The following PRKAG2 variants were observed in gnomAD, a reference collection of about 807,000 sequenced individuals.
PRKAG2 encodes the protein protein kinase AMP-activated non-catalytic subunit gamma 2.
A neutral mutation model predicts 69.6 loss-of-function variants in PRKAG2; 26 were observed. That is an observed-to-expected ratio of 0.37 (90% confidence interval 0.27 to 0.52). PRKAG2 has a LOEUF of 0.52. Among genes scored for constraint, PRKAG2 ranks in the 20% least tolerant of loss-of-function variants. PRKAG2 has a pLI of 0.90. For synonymous variants in PRKAG2, 293 were observed against 285.0 expected (o/e 1.03, Z -0.28); for missense variants, 557 against 740.0 (o/e 0.75, Z 2.87).
chr7:151,578,688 C>A (rs1288490656), intron 6 of PRKAG2, among the ~76,000 whole-genome samples: 1 of 152,122 alleles, frequency 6.6e-6, no homozygotes, highest in Non-Finnish European at 1.5e-5. Context: ...TAGAGCCAAC[C>A]CAGTGATGTG....
intron 5 of PRKAG2, among the ~76,000 whole-genome samples, chr7:151,618,816 C>T (rs971381352): frequency 2.0e-5 from 3 of 152,138 alleles, no homozygotes; most frequent in African/African-American, 7.2e-5. Context: ...TGCCTAGAAA[C>T]ATGAACAGAA....
intron 3 of PRKAG2, among the ~76,000 whole-genome samples, chr7:151,705,891 A>G (rs1042725508): frequency 7.9e-5 from 12 of 151,732 alleles, no homozygotes; most frequent in African/African-American, 2.7e-4. Context: ...ATTCCTACAC[A>G]TGTTTTATGA....
chr7:151,826,906 C>T (rs189388847), intron 1 of PRKAG2, among the ~76,000 whole-genome samples: 8 of 152,290 alleles, frequency 5.3e-5, no homozygotes, highest in Non-Finnish European at 7.3e-5. Context: ...TGCACACATA[C>T]ATCACGGCAG....
intron 1 of PRKAG2, among the ~76,000 whole-genome samples, chr7:151,796,963 C>T (rs556178833): frequency 4.6e-5 from 7 of 152,112 alleles, no homozygotes; most frequent in Non-Finnish European, 1.0e-4. Flanking sequence ...TTTATTGGCT[C>T]GCAAATAAAA....
intron 5 of PRKAG2, among the ~76,000 whole-genome samples, chr7:151,631,225 C>T (rs765141915): frequency 1.8e-4 from 27 of 152,324 alleles, no homozygotes; most frequent in Non-Finnish European, 3.5e-4. Context: ...AGTGTGAACG[C>T]CTTTTCAAGT....
At chr7:151,854,862 C>G (rs2079664544) in intron 1 of PRKAG2, among the ~76,000 whole-genome samples, 1 of 152,034 alleles carries the variant, frequency 6.6e-6, no homozygotes, top group South Asian at 2.1e-4. Context: ...GCCTCGCAGC[C>G]CAGTTCCAGG....
chr7:151,722,896 A>T (rs1797345551), intron 3 of PRKAG2, among the ~76,000 whole-genome samples: 1 of 151,766 alleles, frequency 6.6e-6, no homozygotes, highest in Non-Finnish European at 1.5e-5. Context: ...GCTGCTCCCC[A>T]TTTCTGAGCA....
intron 4 of PRKAG2, among the ~76,000 whole-genome samples, chr7:151,664,671 G>A (rs1237909614): frequency 6.6e-6 from 1 of 152,202 alleles, no homozygotes; most frequent in East Asian, 1.9e-4. Flanking sequence ...CCTAGGTGAT[G>A]TCCTTTATTG....
At chr7:151,847,685 C>T (rs958948260) in intron 1 of PRKAG2, among the ~76,000 whole-genome samples, 4 of 152,256 alleles carry the variant, frequency 2.6e-5, no homozygotes, top group Admixed American at 6.5e-5. Flanking sequence ...ACAAGCTCCG[C>T]TGGGGCTGCT....
At chr7:151,666,768 A>T (rs538746479) in intron 4 of PRKAG2, among the ~76,000 whole-genome samples, 1 of 152,294 alleles carries the variant, frequency 6.6e-6, no homozygotes, top group East Asian at 1.9e-4. Context: ...TTCAGTCCTA[A>T]CCAACCATCC....
chr7:151,794,857 C>A (rs1344132724), intron 1 of PRKAG2, among the ~76,000 whole-genome samples: 1 of 152,210 alleles, frequency 6.6e-6, no homozygotes, highest in African/African-American at 2.4e-5. Context: ...CTTTCCTTGC[C>A]CACTCCGGGC....
intron 3 of PRKAG2, among the ~76,000 whole-genome samples, chr7:151,761,464 G>A (rs965190828): frequency 6.6e-6 from 1 of 152,056 alleles, no homozygotes. Context: ...GACCTCACCT[G>A]GACTCCTGAC....
Position 151,814,046 on chromosome 7 carries a change from G to C in PRKAG2, c.115-27505C>G, listed in dbSNP as rs2078558638. 6.6e-6 allele frequency among the ~76,000 whole-genome samples: 1 copy of C among 152,210 alleles called. No homozygotes were observed. Among genetic ancestry groups the C allele is most frequent in the Admixed American group, 6.5e-5 (1 of 15,280 alleles). On this transcript the variant is annotated intron_variant, in intron 1 of 15. Transcript: ENST00000287878. The surrounding 1 kb of genome is among the most constrained non-coding windows in gnomAD (Gnocchi z 4.8). ...AAGTTCAAGCCAGGGTGGGAAGGCA[G>C]GGAGGAGACCCTGTACCCAGGACCC...
chr7:151,569,054 A>C (rs1806930260), intron 10 of PRKAG2, among the ~76,000 whole-genome samples: 1 of 152,190 alleles, frequency 6.6e-6, no homozygotes, highest in Non-Finnish European at 1.5e-5. Context: ...ACAAATCTCT[A>C]GAAGAGGAGA....
At chr7:151,746,360 C>T (rs1020997411) in intron 3 of PRKAG2, among the ~76,000 whole-genome samples, 7 of 152,180 alleles carry the variant, frequency 4.6e-5, no homozygotes, top group Non-Finnish European at 7.3e-5. Context: ...TATTTCAAAA[C>T]AAGGTAACAG....
In PRKAG2 at chr7:151,590,625, G is replaced by T. The variant is rs553475518; in HGVS notation, c.864+4720C>A. Among the ~76,000 whole-genome samples the T allele has an allele frequency of 2.6e-5, 4 of 152,204 alleles. No homozygotes were observed. The East Asian group carries it at 7.7e-4, about 29-fold the overall frequency. On this transcript the variant is annotated intron_variant, in intron 6 of 15. Coordinates refer to ENST00000287878, the MANE Select transcript of PRKAG2 (RefSeq NM_016203.4). Reference sequence around the variant, plus strand: ...GGCTTTCCTAGGGCAGACGCCTAGCGTGGGCCTCTCACCCTCCCACCCTTG... The same window carrying T: ...GGCTTTCCTAGGGCAGACGCCTAGCTTGGGCCTCTCACCCTCCCACCCTTG...
chr7:151,773,841 T>C lies in PRKAG2; in HGVS notation c.466+7311A>G, dbSNP rs1423365822. ...CTGCAGCCACTCAGCCACGTAATAATTCTTGTGGCACAAGGTCAGCCAGGT... is the reference window on the plus strand; with the variant it reads ...CTGCAGCCACTCAGCCACGTAATAACTCTTGTGGCACAAGGTCAGCCAGGT... On this transcript the variant is annotated intron_variant, in intron 3 of 15. Coordinates refer to ENST00000287878, the MANE Select transcript of PRKAG2 (RefSeq NM_016203.4). 2.0e-5 allele frequency among the ~76,000 whole-genome samples: 3 copies of C among 152,172 alleles called. No individual in the cohort carries two copies. The East Asian group carries it at 5.8e-4, about 29-fold the overall frequency.
At chr7:151,869,054 C>A (rs1459026474) in intron 1 of PRKAG2, among the ~76,000 whole-genome samples, 1 of 150,516 alleles carries the variant, frequency 6.6e-6, no homozygotes, top group African/African-American at 2.4e-5. Flanking sequence ...ACCCTGAGTG[C>A]AAACTAGCAA....
chr7:151,566,972 A>T (rs1806400450), intron 11 of PRKAG2, among the ~76,000 whole-genome samples: 1 of 152,240 alleles, frequency 6.6e-6, no homozygotes, highest in Admixed American at 6.5e-5. Flanking sequence ...AATATGAGGC[A>T]GTACTGGGCA....
Sources: gnomAD v4.1 joint callset for allele counts (sites outside exome capture counted in the v4.1 genomes callset) on GRCh38, gnomAD v4.1.1 for gene constraint, Gnocchi (gnomAD v3.1) non-coding constraint, MANE v1.5 for transcripts, NCBI Gene and HGNC (gene_info 2026-07-23, HGNC 2026-07-21) for gene names.